RAB11FIP4: variants seen among roughly 807,000 people sequenced by gnomAD.
The protein encoded by RAB11FIP4 is RAB11 family interacting protein 4, also known as rab11 family-interacting protein 4.
Under a neutral mutation model 74.3 loss-of-function variants are expected in RAB11FIP4, and 23 were observed. That is an observed-to-expected ratio of 0.31 (90% CI 0.22 to 0.44). The LOEUF (loss-of-function observed/expected upper bound fraction) is 0.44, where lower values mean the gene tolerates loss of function less well. Among genes scored for constraint, RAB11FIP4 ranks in the 20% least tolerant of loss-of-function variants. The probability of loss-of-function intolerance (pLI) is 1.00; values close to 1 mark genes in which losing one functional copy is unlikely to be tolerated. For missense variants in RAB11FIP4, 630 were observed against 863.9 expected (o/e 0.73, Z 3.39); for synonymous variants, 360 against 359.9 (o/e 1.00, Z 0.00).
intron 3 of RAB11FIP4, among the ~76,000 whole-genome samples, chr17:31,445,569 TA>T: frequency 1.7e-4 from 2 of 12,086 alleles, no homozygotes; most frequent in Non-Finnish European, 2.9e-4. Flanking sequence ...TATATATATA[TA>T]TATATATATT....
intron 3 of RAB11FIP4, among the ~76,000 whole-genome samples, chr17:31,441,510 T>C (rs558073519): frequency 3.3e-5 from 5 of 149,758 alleles, no homozygotes; most frequent in Admixed American, 2.0e-4. Flanking sequence ...CCTATTAAAC[T>C]CTCCTTATTT....
At position 31,512,649 on chromosome 17, in the gene RAB11FIP4, G is replaced by A. The variant is rs1391408785; in HGVS notation, c.337-5002G>A. Among the ~76,000 whole-genome samples the A allele has an allele frequency of 1.3e-5, 2 of 152,134 alleles. No homozygotes were observed. The highest frequency in any genetic ancestry group is 2.9e-5 in the Non-Finnish European group (2 of 68,010). On this transcript the variant is annotated intron_variant, in intron 3 of 14. Coordinates refer to ENST00000621161, the MANE Select transcript of RAB11FIP4 (RefSeq NM_032932.6). The surrounding 1 kb of genome is among the most constrained non-coding windows in gnomAD (Gnocchi z 4.1). ...CTGGCTCTGGGTCTTGAGGGACAGAGCCCTGGCAAGTCAGACTGTGCCAGA... is the reference window on the plus strand; with the variant it reads ...CTGGCTCTGGGTCTTGAGGGACAGAACCCTGGCAAGTCAGACTGTGCCAGA...
At chr17:31,483,197 A>C (rs2071867702) in intron 3 of RAB11FIP4, among the ~76,000 whole-genome samples, 1 of 68,900 alleles carries the variant, frequency 1.5e-5, no homozygotes, top group East Asian at 4.3e-4. Context: ...CATCTCAAAA[A>C]AAAAAAAAAA....
chr17:31,479,268 T>C (rs184754287), intron 3 of RAB11FIP4, among the ~76,000 whole-genome samples: 1 of 152,346 alleles, frequency 6.6e-6, no homozygotes, highest in Non-Finnish European at 1.5e-5. Context: ...AATTGTTTCT[T>C]CAGAGTTGAG....
At chr17:31,524,129 T>C (rs1292919247) in intron 9 of RAB11FIP4, 133 bp downstream of exon 9, 7 of 668,462 alleles carry the variant, frequency 1.0e-5, no homozygotes, top group African/African-American at 1.8e-5. Flanking sequence ...CATCAGCCTC[T>C]TGTCACATGG....
chr17:31,411,635 A>C (rs1019062075), intron 1 of RAB11FIP4, among the ~76,000 whole-genome samples: 7 of 152,202 alleles, frequency 4.6e-5, no homozygotes, highest in African/African-American at 1.7e-4. Flanking sequence ...AAGAGGTTTA[A>C]ATTATAAATA....
intron 1 of RAB11FIP4, among the ~76,000 whole-genome samples, chr17:31,413,791 C>G (rs1365190382): frequency 6.6e-6 from 1 of 152,168 alleles, no homozygotes; most frequent in Non-Finnish European, 1.5e-5. Flanking sequence ...TGGATTCTGT[C>G]TTATCTTCCC....
At chr17:31,398,970 G>C (rs2070958180) in intron 1 of RAB11FIP4, among the ~76,000 whole-genome samples, 1 of 152,184 alleles carries the variant, frequency 6.6e-6, no homozygotes, top group African/African-American at 2.4e-5. Context: ...GCAGTGCATT[G>C]CTAGGGTGGG....
At chr17:31,463,803 CTTTTTTT>C (rs60955293) in intron 3 of RAB11FIP4, among the ~76,000 whole-genome samples, 1,318 of 32,796 alleles carry the variant, frequency 0.04, 38 homozygotes, top group African/African-American at 0.12. Flanking sequence ...TGCGCCTGGA[CTTTTTTT>C]TTTTTTTTTT....
chr17:31,393,139 C>T (rs550696322), intron 1 of RAB11FIP4, among the ~76,000 whole-genome samples: 6 of 152,374 alleles, frequency 3.9e-5, no homozygotes, highest in African/African-American at 1.4e-4. Flanking sequence ...TCGCTGAGAG[C>T]TGTGGGCAGA....
chr17:31,533,462 G>A lies in RAB11FIP4; in HGVS notation c.*1730G>A, dbSNP rs981899928. On this transcript the variant is annotated 3_prime_UTR_variant, in exon 15 of 15. Coordinates refer to ENST00000621161, the MANE Select transcript of RAB11FIP4 (RefSeq NM_032932.6). ...CCTTGGGCTCCCCCAAGGGTTCTGC[G>A]AAGAGGCAGTGGAAGAAGGCATGAG... 2.6e-5 allele frequency: 4 copies of A among 152,226 alleles called. No individual in the cohort carries two copies. Among genetic ancestry groups the A allele is most frequent in the African/African-American group, 4.8e-5 (2 of 41,444 alleles). The allele number at this position is 152,226 out of a possible 1,614,324, so 9.4% of individuals were successfully genotyped here. A position where few individuals can be genotyped will look rare whatever the true frequency, so the allele number is the denominator to read the frequency against.
At chr17:31,439,831 T>C (rs926889831) in intron 3 of RAB11FIP4, among the ~76,000 whole-genome samples, 2 of 152,106 alleles carry the variant, frequency 1.3e-5, no homozygotes, top group Non-Finnish European at 2.9e-5. Flanking sequence ...AGAGACAGGG[T>C]TTTGCATGTT....
At chr17:31,392,060 CGCCGCCCCT>C in intron 1 of RAB11FIP4, 49 bp downstream of exon 1, 23 of 1,172,922 alleles carry the variant, frequency 2.0e-5, no homozygotes, top group Admixed American at 4.6e-5. Flanking sequence ...AGCCCAGCCC[CGCCGCCCCT>C]CCCCCAGCTC....
intron 3 of RAB11FIP4, among the ~76,000 whole-genome samples, chr17:31,443,443 CTGTTT>C (rs2071423624): frequency 6.6e-6 from 1 of 152,148 alleles, no homozygotes; most frequent in Non-Finnish European, 1.5e-5. Context: ...TGAAACTGTT[CTGTTT>C]TATTTTTGTG....
intron 3 of RAB11FIP4, among the ~76,000 whole-genome samples, chr17:31,435,216 G>C (rs1473983702): frequency 6.6e-6 from 1 of 152,138 alleles, no homozygotes; most frequent in Non-Finnish European, 1.5e-5. Context: ...TTACAACCCA[G>C]TCTCCAGCCC....
At chr17:31,393,716 G>C (rs2070899817) in intron 1 of RAB11FIP4, among the ~76,000 whole-genome samples, 1 of 152,018 alleles carries the variant, frequency 6.6e-6, no homozygotes, top group African/African-American at 2.4e-5. Flanking sequence ...CTCCTTCCCA[G>C]CTCCATACTC....
chr17:31,440,027 A>C (rs1459249754), intron 3 of RAB11FIP4, among the ~76,000 whole-genome samples: 2 of 152,186 alleles, frequency 1.3e-5, no homozygotes, highest in Non-Finnish European at 2.9e-5. Flanking sequence ...CAGAATGTTA[A>C]TTCTGATGTC....
intron 3 of RAB11FIP4, among the ~76,000 whole-genome samples, chr17:31,439,281 T>TA (rs2071387477): frequency 6.6e-6 from 1 of 152,254 alleles, no homozygotes; most frequent in South Asian, 2.1e-4. Context: ...TTTTAACAGA[T>TA]ACGGATGAAA....
intron 3 of RAB11FIP4, among the ~76,000 whole-genome samples, chr17:31,453,354 T>TA (rs1383749308): frequency 3.4e-5 from 1 of 29,282 alleles, no homozygotes; most frequent in African/African-American, 2.5e-4. Context: ...AGACCCTACC[T>TA]CAAAAAAAAA....
Sources: gnomAD v4.1 joint callset for allele counts (sites outside exome capture counted in the v4.1 genomes callset) on GRCh38, gnomAD v4.1.1 for gene constraint, Gnocchi (gnomAD v3.1) non-coding constraint, MANE v1.5 for transcripts, NCBI Gene and HGNC (gene_info 2026-07-23, HGNC 2026-07-21) for gene names.